ETS1: variants seen among roughly 807,000 people sequenced by gnomAD.
ETS1 encodes ETS proto-oncogene 1, transcription factor, also known as protein C-ets-1.
Under a neutral mutation model 58.6 loss-of-function variants are expected in ETS1, and 15 were observed. That is an observed-to-expected ratio of 0.26 (90% CI 0.17 to 0.39). ETS1 has a LOEUF of 0.39. Ranked by LOEUF, ETS1 falls within the 10% of genes least tolerant of loss-of-function variation. The pLI is 1.00. For missense variants in ETS1, 417 were observed against 610.5 expected (o/e 0.68, Z 3.34); for synonymous variants, 214 against 218.2 (o/e 0.98, Z 0.17).
At chr11:128,522,416 G>A in intron 3 of ETS1, 1 of 922,908 alleles carries the variant, frequency 1.1e-6, no homozygotes, top group African/African-American at 1.8e-5. Context: ...CCTGGGCCGG[G>A]CGATGTCCGC....
chr11:128,576,296 C>T (rs112954378), intron 1 of ETS1, among the ~76,000 whole-genome samples: 40 of 152,294 alleles, frequency 2.6e-4, no homozygotes, highest in African/African-American at 6.5e-4. Flanking sequence ...CTGCTAGAGA[C>T]GTAAACCTTC....
chr11:128,566,602 T>A (rs550814422), intron 2 of ETS1, among the ~76,000 whole-genome samples: 1 of 151,880 alleles, frequency 6.6e-6, no homozygotes, highest in African/African-American at 2.4e-5. Context: ...GCTAACACAG[T>A]GAAACCCCGT....
chr11:128,493,621 GAAGGCACAGC>G (rs148504983), intron 3 of ETS1, among the ~76,000 whole-genome samples: 59 of 152,302 alleles, frequency 3.9e-4, no homozygotes, highest in Non-Finnish European at 8.1e-4. Context: ...CAGCTCCAGA[GAAGGCACAGC>G]ATTGTCTTTG....
At chr11:128,482,536 G>A (rs951480994) in intron 7 of ETS1, among the ~76,000 whole-genome samples, 6 of 152,068 alleles carry the variant, frequency 3.9e-5, no homozygotes, top group African/African-American at 1.4e-4. Flanking sequence ...CTAAGCAAGG[G>A]GACTAAACCA....
intron 3 of ETS1, among the ~76,000 whole-genome samples, chr11:128,492,049 G>A (rs1030410856): frequency 6.6e-6 from 1 of 152,188 alleles, no homozygotes; most frequent in Admixed American, 6.5e-5. Flanking sequence ...GAAATGAGCT[G>A]AGAATCCCTA....
Position 128,489,243 on chromosome 11 carries a change from C to A in ETS1, c.535+47G>T, listed in dbSNP as rs764833479. 3 of 1,564,954 alleles carry A rather than the reference C, an allele frequency of 1.9e-6. No individual in the cohort carries two copies. In the Admixed American group the frequency reaches 5.0e-5, roughly 26 times the overall value. Reference sequence around the variant, plus strand: ...TGGGTGAGCCCCCTACCTACTCTCACAGCAACCCCACATAACCTCCACCTC... The same window carrying A: ...TGGGTGAGCCCCCTACCTACTCTCAAAGCAACCCCACATAACCTCCACCTC... On this transcript the variant is annotated intron_variant, in intron 5 of 9. Transcript: ENST00000392668.
chr11:128,539,983 T>G (rs1162809586), intron 3 of ETS1, among the ~76,000 whole-genome samples: 2 of 152,102 alleles, frequency 1.3e-5, no homozygotes, highest in African/African-American at 4.8e-5. Flanking sequence ...AGAATGAAGA[T>G]CGACTGCTAA....
rs568911633 is a variant in ETS1 at position 128,561,356 on chromosome 11, G to A, written c.70-4921C>T. On this transcript the variant is annotated intron_variant, in intron 2 of 9. Transcript: ENST00000392668. Reference sequence around the variant, plus strand: ...AGGCGAGGAGGCTGACACAGGTCAGGAGGAGAGCTTTGCTGAGCCACATTG... The same window carrying A: ...AGGCGAGGAGGCTGACACAGGTCAGAAGGAGAGCTTTGCTGAGCCACATTG... Among the ~76,000 whole-genome samples the A allele has an allele frequency of 2.8e-4, 42 of 152,380 alleles. 1 individual carries two copies. The highest frequency in any genetic ancestry group is 2.4e-3 in the Admixed American group (37 of 15,310).
intron 3 of ETS1, among the ~76,000 whole-genome samples, chr11:128,547,887 G>A (rs1202633867): frequency 6.6e-6 from 1 of 152,054 alleles, no homozygotes; most frequent in Non-Finnish European, 1.5e-5. Flanking sequence ...ACTCACACTG[G>A]CAGCTTTGGG....
chr11:128,565,107 TAGA>T (rs960611496), intron 2 of ETS1, among the ~76,000 whole-genome samples: 16 of 152,024 alleles, frequency 1.1e-4, no homozygotes, highest in Non-Finnish European at 1.9e-4. Context: ...CCCCCAAATT[TAGA>T]AGTTGAAATG....
At chr11:128,543,502 T>G (rs1864086795) in intron 3 of ETS1, among the ~76,000 whole-genome samples, 1 of 152,142 alleles carries the variant, frequency 6.6e-6, no homozygotes, top group African/African-American at 2.4e-5. Context: ...GGTGCAGAAG[T>G]ACATTTCAGA....
intron 1 of ETS1, among the ~76,000 whole-genome samples, chr11:128,578,866 A>T (rs867366356): frequency 5.9e-5 from 9 of 152,352 alleles, no homozygotes; most frequent in Middle Eastern, 6.8e-3. Flanking sequence ...ATACTTTTAA[A>T]GAGCCTCTTA....
At chr11:128,578,583 C>A (rs914827314) in intron 1 of ETS1, among the ~76,000 whole-genome samples, 1 of 152,238 alleles carries the variant, frequency 6.6e-6, no homozygotes, top group East Asian at 1.9e-4. Flanking sequence ...ATATTAGAAT[C>A]ACCTGAAACC....
At chr11:128,494,362 C>T (rs779526156) in intron 3 of ETS1, among the ~76,000 whole-genome samples, 6 of 152,194 alleles carry the variant, frequency 3.9e-5, no homozygotes, top group African/African-American at 7.2e-5. Flanking sequence ...CCCTAGACCT[C>T]TGAAAGGACA....
intron 3 of ETS1, among the ~76,000 whole-genome samples, chr11:128,539,414 G>A (rs946298444): frequency 2.6e-5 from 4 of 151,540 alleles, no homozygotes; most frequent in Non-Finnish European, 4.4e-5. Flanking sequence ...TCCAAAGAAG[G>A]TATAAGAATG....
intron 1 of ETS1, among the ~76,000 whole-genome samples, chr11:128,585,242 G>GAAAGAAAGAA (rs1192534644): frequency 1.5e-5 from 2 of 131,246 alleles, no homozygotes; most frequent in East Asian, 4.8e-4. Flanking sequence ...AAGAAAGAAA[G>GAAAGAAAGAA]AAAAAGAAAG....
chr11:128,511,179 C>T (rs544681329), intron 3 of ETS1, among the ~76,000 whole-genome samples: 3 of 152,284 alleles, frequency 2.0e-5, no homozygotes, highest in East Asian at 3.9e-4. Context: ...CTACCTGAAG[C>T]TCTCACTGAT....
intron 3 of ETS1, among the ~76,000 whole-genome samples, chr11:128,495,889 A>G (rs1039537033): frequency 6.6e-6 from 1 of 152,184 alleles, no homozygotes; most frequent in Non-Finnish European, 1.5e-5. Flanking sequence ...ATAGAGTTTT[A>G]CATTTTTTAT....
chr11:128,488,446 T>A (rs1008299805), intron 5 of ETS1, among the ~76,000 whole-genome samples: 1 of 151,964 alleles, frequency 6.6e-6, no homozygotes, highest in African/African-American at 2.4e-5. Flanking sequence ...TGAGTTTTGC[T>A]CCCCTCCCCC....
Sources: gnomAD v4.1 joint callset for allele counts (sites outside exome capture counted in the v4.1 genomes callset) on GRCh38, gnomAD v4.1.1 for gene constraint, MANE v1.5 for transcripts, NCBI Gene and HGNC (gene_info 2026-07-23, HGNC 2026-07-21) for gene names.